TENM3: variants seen among roughly 807,000 people sequenced by gnomAD.
TENM3 encodes teneurin transmembrane protein 3, also known as teneurin-3.
TENM3 carries 63 observed loss-of-function variants against 255.1 expected under a neutral mutation model. The observed-to-expected ratio is 0.25, with a 90% confidence interval of 0.20 to 0.30. The LOEUF (loss-of-function observed/expected upper bound fraction) is 0.30, where lower values mean the gene tolerates loss of function less well. TENM3 is among the 10% of genes least tolerant of loss of function. The pLI, the probability that TENM3 is intolerant of heterozygous loss-of-function variation, is 1.00. For synonymous variants in TENM3, 1,306 were observed against 1,322.3 expected (o/e 0.99, Z 0.27); for missense variants, 2,929 against 3,461.1 (o/e 0.85, Z 3.86).
the TENM3 span, among the ~76,000 whole-genome samples, chr4:181,653,728 G>A: frequency 6.7e-6 from 1 of 149,564 alleles, no homozygotes; most frequent in Non-Finnish European, 1.5e-5. Context: ...TAAATTATGG[G>A]ATACAGGTGC....
the TENM3 span, among the ~76,000 whole-genome samples, chr4:181,813,388 C>T: frequency 1.3e-5 from 2 of 152,192 alleles, no homozygotes; most frequent in African/African-American, 4.8e-5. Flanking sequence ...CAATCAAGCA[C>T]GTTGCCCAAA....
intron 6 of TENM3, among the ~76,000 whole-genome samples, chr4:182,668,314 A>G (rs189750997): frequency 6.6e-6 from 1 of 152,264 alleles, no homozygotes; most frequent in African/African-American, 2.4e-5. Context: ...TTTCTTTTGT[A>G]AAGAAAGTCA....
At chr4:181,806,354 A>ACT in the TENM3 span, among the ~76,000 whole-genome samples, 8 of 152,198 alleles carry the variant, frequency 5.3e-5, no homozygotes, top group African/African-American at 1.9e-4. Context: ...CGACTGTGCT[A>ACT]CCTGTCTCTT....
chr4:181,653,480 G>T, the TENM3 span, among the ~76,000 whole-genome samples: 319 of 152,156 alleles, frequency 2.1e-3, 2 homozygotes, highest in African/African-American at 7.5e-3. Context: ...CGCCATCTCG[G>T]CTCACTGCAA....
chr4:182,603,765 T>TTATA lies in TENM3; in HGVS notation c.749+2621_749+2624dup, dbSNP rs760690038. Among the ~76,000 whole-genome samples, 315 of 95,576 alleles carry TTATA rather than the reference T, an allele frequency of 3.3e-3. 7 individuals are homozygous for TTATA. Among genetic ancestry groups the TTATA allele is most frequent in the Non-Finnish European group, 3.9e-3 (161 of 40,822 alleles). The allele number at this position is 95,576 out of a possible 152,430, so 62.7% of individuals were successfully genotyped here. On this transcript the variant is annotated intron_variant, in intron 4 of 27. Transcript: ENST00000511685. Reference sequence around the variant, plus strand: ...GTATTGTTTCATCTTTGGCAATTATTTATATATATATATATATATACACAC... The same window carrying TTATA: ...GTATTGTTTCATCTTTGGCAATTATTTATATATATATATATATATATATACACAC...
chr4:182,427,281 A>G (rs1248324216), intron 3 of TENM3, among the ~76,000 whole-genome samples: 1 of 152,212 alleles, frequency 6.6e-6, no homozygotes, highest in African/African-American at 2.4e-5. Flanking sequence ...CTCTCTGAAA[A>G]TTGATTTTTA....
At chr4:182,309,140 C>A (rs1466000097) in intron 1 of TENM3, among the ~76,000 whole-genome samples, 1 of 152,176 alleles carries the variant, frequency 6.6e-6, no homozygotes, top group Non-Finnish European at 1.5e-5. Flanking sequence ...ACTTATCTAT[C>A]CCCTAGAGCT....
chr4:181,572,944 T>C, the TENM3 span, among the ~76,000 whole-genome samples: 1 of 152,086 alleles, frequency 6.6e-6, no homozygotes, highest in African/African-American at 2.4e-5. Context: ...TCCCCATGAG[T>C]TCAATGGTTT....
the TENM3 span, among the ~76,000 whole-genome samples, chr4:181,837,778 G>T: frequency 6.6e-6 from 1 of 152,154 alleles, no homozygotes; most frequent in African/African-American, 2.4e-5. Flanking sequence ...TGTTTTGCCA[G>T]AACTCCTTAT....
the TENM3 span, among the ~76,000 whole-genome samples, chr4:182,044,251 A>C: frequency 1.3e-5 from 2 of 152,208 alleles, no homozygotes; most frequent in African/African-American, 4.8e-5. Flanking sequence ...GAAAAGAAAA[A>C]AACACACACC....
chr4:181,488,680 C>T, the TENM3 span, among the ~76,000 whole-genome samples: 11 of 152,010 alleles, frequency 7.2e-5, no homozygotes, highest in Non-Finnish European at 2.9e-5. Context: ...ATGCAAATTT[C>T]TCGGTAAGTC....
At position 182,799,467 on chromosome 4, in the gene TENM3, T is replaced by C; in HGVS notation, c.7345-129T>C. The C allele has an allele frequency of 8.1e-7, 1 of 1,231,594 alleles. No individual in the cohort carries two copies. The highest frequency in any genetic ancestry group is 1.1e-6 in the Non-Finnish European group (1 of 914,066). 76.3% of individuals were successfully genotyped at this position (1,231,594 alleles called of 1,614,324 possible). ...CTCCCTCCACCCGGGCTGTCAGCCT[T>C]CTGGTCAGGGAAGGACCCCGGGGCT... On this transcript the variant is annotated intron_variant, in intron 27 of 27. Coordinates refer to ENST00000511685, the MANE Select transcript of TENM3 (RefSeq NM_001080477.4). The surrounding 1 kb of genome is among the most constrained non-coding windows in gnomAD (Gnocchi z 4.2).
chr4:181,993,718 G>T, the TENM3 span, among the ~76,000 whole-genome samples: 1 of 152,154 alleles, frequency 6.6e-6, no homozygotes, highest in African/African-American at 2.4e-5. Context: ...TAAAGCTGAT[G>T]CATTAAAATA....
chr4:181,448,324 A>C, the TENM3 span, among the ~76,000 whole-genome samples: 1 of 145,162 alleles, frequency 6.9e-6, no homozygotes, highest in African/African-American at 2.5e-5. Flanking sequence ...GGCGCCCACC[A>C]CTACGCCCGG....
At chr4:182,166,562 C>A (rs1320045390) in intron 1 of TENM3, among the ~76,000 whole-genome samples, 2 of 152,138 alleles carry the variant, frequency 1.3e-5, no homozygotes, top group Non-Finnish European at 2.9e-5. Flanking sequence ...AGCAAAATTG[C>A]CCATAGTATG....
intron 1 of TENM3, among the ~76,000 whole-genome samples, chr4:182,222,258 CAT>C (rs1349341188): frequency 1.3e-5 from 2 of 152,228 alleles, no homozygotes; most frequent in African/African-American, 4.8e-5. Flanking sequence ...CGCAGGTTGT[CAT>C]AACCAATTCA....
At chr4:182,309,747 C>T (rs531002567) in intron 1 of TENM3, among the ~76,000 whole-genome samples, 33 of 152,226 alleles carry the variant, frequency 2.2e-4, no homozygotes, top group South Asian at 1.0e-3. Context: ...TGCTCTCAAC[C>T]GTATAGACTG....
the TENM3 span, among the ~76,000 whole-genome samples, chr4:181,473,832 ACTG>A: frequency 4.5e-5 from 3 of 66,682 alleles, no homozygotes; most frequent in African/African-American, 1.3e-4. Flanking sequence ...ATATATGTAT[ACTG>A]TATATATATA....
the TENM3 span, among the ~76,000 whole-genome samples, chr4:182,103,186 G>A: frequency 3.3e-5 from 5 of 152,168 alleles, no homozygotes; most frequent in Non-Finnish European, 7.3e-5. Flanking sequence ...TAAGAAGTAG[G>A]CTCACCAGCT....
Sources: gnomAD v4.1 joint callset for allele counts (sites outside exome capture counted in the v4.1 genomes callset) on GRCh38, gnomAD v4.1.1 for gene constraint, Gnocchi (gnomAD v3.1) non-coding constraint, MANE v1.5 for transcripts, NCBI Gene and HGNC (gene_info 2026-07-23, HGNC 2026-07-21) for gene names.